The following CSMD1 variants were observed in gnomAD, a reference collection of about 807,000 sequenced individuals.
CSMD1 encodes the protein CUB and sushi domain-containing protein 1.
A neutral mutation model predicts 417.5 loss-of-function variants in CSMD1; 213 were observed. That is an observed-to-expected ratio of 0.51 (90% CI 0.46 to 0.57). The LOEUF (loss-of-function observed/expected upper bound fraction) is 0.57. CSMD1 is among the 20% of genes least tolerant of loss of function. The probability of loss-of-function intolerance (pLI) is 0.00; values close to 1 mark genes in which losing one functional copy is unlikely to be tolerated. For synonymous variants in CSMD1, 2,862 were observed against 1,736.8 expected, an observed-to-expected ratio of 1.65 and a Z score of -16.11; for missense variants, 6,923 against 4,529.7, an observed-to-expected ratio of 1.53 and a Z score of -15.17.
At chr8:4,558,925 G>A (rs1798209298) in intron 2 of CSMD1, among the ~76,000 whole-genome samples, 1 of 14,054 alleles carries the variant, frequency 7.1e-5, no homozygotes, top group African/African-American at 8.4e-5. Context: ...GATTTCAACT[G>A]ATCATGTTTT....
intron 1 of CSMD1, among the ~76,000 whole-genome samples, chr8:4,989,381 C>G (rs1468069754): frequency 2.0e-5 from 3 of 152,202 alleles, no homozygotes; most frequent in African/African-American, 7.2e-5. Flanking sequence ...CAAGTTCCTA[C>G]TTTCCTATCC....
intron 3 of CSMD1, among the ~76,000 whole-genome samples, chr8:4,296,338 T>C (rs1047503993): frequency 6.6e-6 from 1 of 152,148 alleles, no homozygotes; most frequent in Non-Finnish European, 1.5e-5. Context: ...TCAGGGATTA[T>C]GCACTATAAA....
chr8:3,800,644 G>C (rs558058846), intron 5 of CSMD1, among the ~76,000 whole-genome samples: 6 of 152,322 alleles, frequency 3.9e-5, no homozygotes, highest in African/African-American at 9.6e-5. Flanking sequence ...GGGTTATGCA[G>C]ACAGAACCCT....
intron 3 of CSMD1, among the ~76,000 whole-genome samples, chr8:4,081,965 A>C (rs1800159673): frequency 6.6e-6 from 1 of 152,288 alleles, no homozygotes; most frequent in East Asian, 1.9e-4. Context: ...AAACTCAATT[A>C]TTTAAGATTC....
In CSMD1 at chr8:3,143,137, C is replaced by T. The variant is rs1186520038; in HGVS notation, c.6032-463G>A. 8.5e-5 allele frequency among the ~76,000 whole-genome samples: 13 copies of T among 152,188 alleles called. No homozygotes were observed. In the East Asian group the frequency reaches 2.5e-3, roughly 29 times the overall value. Reference sequence around the variant, plus strand: ...AACAACAACAATTTTGGTTTTAAAACATGCCACAGAGTTTTTTTTGTTTTT... The same window carrying T: ...AACAACAACAATTTTGGTTTTAAAATATGCCACAGAGTTTTTTTTGTTTTT... On this transcript the variant is annotated intron_variant, in intron 40 of 69. Coordinates refer to ENST00000635120, the MANE Select transcript of CSMD1 (RefSeq NM_033225.6).
intron 3 of CSMD1, among the ~76,000 whole-genome samples, chr8:4,107,380 T>C (rs1237189718): frequency 6.6e-6 from 1 of 152,198 alleles, no homozygotes; most frequent in East Asian, 1.9e-4. Context: ...TAAAGTCCTC[T>C]CTATACAAAA....
chr8:3,585,075 C>T (rs1433806695), intron 9 of CSMD1, among the ~76,000 whole-genome samples: 1 of 152,106 alleles, frequency 6.6e-6, no homozygotes, highest in African/African-American at 2.4e-5. Context: ...ACCCTCCCTC[C>T]CCTTCCGGTG....
At chr8:4,501,440 G>A (rs970912705) in intron 2 of CSMD1, among the ~76,000 whole-genome samples, 2 of 152,138 alleles carry the variant, frequency 1.3e-5, no homozygotes, top group African/African-American at 2.4e-5. Context: ...AGAAGTCGAG[G>A]TGGATATTTC....
intron 1 of CSMD1, among the ~76,000 whole-genome samples, chr8:4,804,207 C>G (rs1012838369): frequency 2.6e-5 from 4 of 151,968 alleles, no homozygotes; most frequent in African/African-American, 7.3e-5. Context: ...GAAATTTAAA[C>G]CATATTTAAC....
chr8:4,082,564 C>T (rs773639584), intron 3 of CSMD1, among the ~76,000 whole-genome samples: 18 of 151,938 alleles, frequency 1.2e-4, no homozygotes, highest in East Asian at 3.9e-4. Context: ...TTACAGACCC[C>T]GCTTCATTAT....
chr8:2,985,938 A>AG (rs1377978975), intron 54 of CSMD1, among the ~76,000 whole-genome samples: 1 of 101,762 alleles, frequency 9.8e-6, no homozygotes, highest in Admixed American at 1.1e-4. Flanking sequence ...AGGGGAGGGA[A>AG]GGGAAGGGGA....
intron 10 of CSMD1, chr8:3,515,139 C>T (rs1334726564): frequency 6.6e-6 from 1 of 152,152 alleles, no homozygotes; most frequent in Non-Finnish European, 1.5e-5. Context: ...ATCTTGAATA[C>T]ATGCGAAGGA....
intron 40 of CSMD1, among the ~76,000 whole-genome samples, chr8:3,146,394 G>C (rs1162665319): frequency 6.6e-6 from 1 of 151,854 alleles, no homozygotes; most frequent in Non-Finnish European, 1.5e-5. Flanking sequence ...CTAGAATTTG[G>C]TTTAACTATT....
At chr8:4,161,774 T>C (rs74881458) in intron 3 of CSMD1, among the ~76,000 whole-genome samples, 2 of 152,178 alleles carry the variant, frequency 1.3e-5, no homozygotes, top group Admixed American at 6.5e-5. Context: ...ATCAGATATT[T>C]TGAATTGTGC....
intron 3 of CSMD1, among the ~76,000 whole-genome samples, chr8:4,385,696 T>C (rs1803402701): frequency 1.3e-5 from 2 of 152,156 alleles, no homozygotes; most frequent in South Asian, 4.1e-4. Flanking sequence ...AATAGTAATA[T>C]AGTATTTTTA....
At chr8:3,122,208 GA>G (rs1265459427) in intron 41 of CSMD1, among the ~76,000 whole-genome samples, 3 of 152,074 alleles carry the variant, frequency 2.0e-5, no homozygotes, top group Non-Finnish European at 4.4e-5. Context: ...GTTATAGAAT[GA>G]ATGCTTTTAC....
At chr8:3,560,684 A>G (rs757733547) in intron 10 of CSMD1, among the ~76,000 whole-genome samples, 1 of 152,200 alleles carries the variant, frequency 6.6e-6, no homozygotes, top group Non-Finnish European at 1.5e-5. Context: ...CATGGAAACC[A>G]TGAATTTCTC....
chr8:4,746,501 T>C (rs1563278050), intron 1 of CSMD1, among the ~76,000 whole-genome samples: 1 of 152,158 alleles, frequency 6.6e-6, no homozygotes, highest in Non-Finnish European at 1.5e-5. Context: ...TTATCATCGG[T>C]GATGAGAGCA....
intron 1 of CSMD1, among the ~76,000 whole-genome samples, chr8:4,761,987 C>A (rs1483128008): frequency 2.0e-5 from 3 of 150,854 alleles, no homozygotes; most frequent in Non-Finnish European, 2.9e-5. Context: ...GAAAAGCAAC[C>A]AAAATTAACA....
Sources: allele counts gnomAD v4.1 joint callset (sites outside exome capture counted in the v4.1 genomes callset), GRCh38; gene constraint gnomAD v4.1.1; transcripts MANE v1.5; gene names NCBI Gene and HGNC (gene_info 2026-07-23, HGNC 2026-07-21).